The following SDK2 variants were observed in gnomAD, a reference collection of about 807,000 sequenced individuals.
SDK2 encodes sidekick cell adhesion molecule 2.
In SDK2, 105 loss-of-function variants were observed where a neutral mutation model predicts 253.9. The ratio of observed to expected loss-of-function variants is 0.41; its 90% CI spans 0.35 to 0.49. The LOEUF (loss-of-function observed/expected upper bound fraction) is 0.49, where lower values mean the gene tolerates loss of function less well. Ranked by LOEUF, SDK2 falls within the 20% of genes least tolerant of loss-of-function variation. The probability of loss-of-function intolerance (pLI) is 0.06; values close to 1 mark genes in which losing one functional copy is unlikely to be tolerated. For missense variants in SDK2, 2,608 were observed against 3,003.0 expected, an observed-to-expected ratio of 0.87 and a Z score of 3.07; for synonymous variants, 1,249 against 1,234.9, an observed-to-expected ratio of 1.01 and a Z score of -0.24.
chr17:73,376,272 AT>A, intron 36 of SDK2, among the ~76,000 whole-genome samples: 1 of 152,010 alleles, frequency 6.6e-6, no homozygotes, highest in East Asian at 1.9e-4. Context: ...ACCTGGCGGT[AT>A]TATTTATTTT....
At position 73,534,769 on chromosome 17, in the gene SDK2, T is replaced by G. The variant is rs2044744706; in HGVS notation, c.65-27172A>C. Among the ~76,000 whole-genome samples, 1 of 152,178 alleles carries G rather than the reference T, an allele frequency of 6.6e-6. No homozygotes were observed. Among genetic ancestry groups the G allele is most frequent in the African/African-American group, 2.4e-5 (1 of 41,450 alleles). The stretch of plus-strand genomic sequence containing the variant: ...GGCCCTGACCTTTCTTCCTCTCATC[T>G]AGGGGAAAGCGGCTTCTATTACCTA... On this transcript the variant is annotated intron_variant, in intron 1 of 44. Transcript: ENST00000392650. The surrounding 1 kb of genome is among the most constrained non-coding windows in gnomAD (Gnocchi z 4.9).
intron 4 of SDK2, among the ~76,000 whole-genome samples, chr17:73,450,591 C>T (rs2063483992): frequency 6.6e-6 from 1 of 152,198 alleles, no homozygotes; most frequent in South Asian, 2.1e-4. Context: ...TGTCTTAGGA[C>T]CCTTTTGGTC....
At chr17:73,632,250 T>A (rs2046280211) in intron 1 of SDK2, among the ~76,000 whole-genome samples, 1 of 152,188 alleles carries the variant, frequency 6.6e-6, no homozygotes, top group Admixed American at 6.5e-5. Context: ...AACATTTATG[T>A]CAGTGGATTG....
At chr17:73,441,488 G>A (rs1831160293) in intron 5 of SDK2, among the ~76,000 whole-genome samples, 1 of 152,176 alleles carries the variant, frequency 6.6e-6, no homozygotes, top group African/African-American at 2.4e-5. Context: ...CAATACGACT[G>A]GTGTCCTTGT....
chr17:73,343,961 C>G (rs1227701857), intron 44 of SDK2, among the ~76,000 whole-genome samples: 1 of 152,180 alleles, frequency 6.6e-6, no homozygotes, highest in Non-Finnish European at 1.5e-5. Flanking sequence ...GTCCCAGGGG[C>G]TCTGCACTGA....
rs1285891947 is a variant in SDK2, at chr17:73,483,661, GTATATATATATATATATATATTTATATA to G, written c.225-11471_225-11444del. On this transcript the variant is annotated intron_variant, in intron 2 of 44. Transcript: ENST00000392650. ...TATATATGTGTGTGTGTGTGTGTGT[GTATATATATATATATATATATTTATATA>G]TATATATATATATATATATTTTTTT... 3.0e-3 allele frequency among the ~76,000 whole-genome samples: 209 copies of G among 70,186 alleles called. 8 individuals carry two copies. Among genetic ancestry groups the G allele is most frequent in the Non-Finnish European group, 4.4e-3 (172 of 39,478 alleles). 46.0% of individuals were successfully genotyped at this position (70,186 alleles called of 152,430 possible). A position where few individuals can be genotyped will look rare whatever the true frequency, so the allele number is the denominator to read the frequency against.
intron 1 of SDK2, among the ~76,000 whole-genome samples, chr17:73,550,862 G>A (rs1380128034): frequency 3.3e-5 from 5 of 152,166 alleles, no homozygotes; most frequent in Non-Finnish European, 7.3e-5. Context: ...CCCAGGGCGA[G>A]TCACCCGTCC....
intron 1 of SDK2, among the ~76,000 whole-genome samples, chr17:73,544,428 G>A (rs925446604): frequency 2.6e-5 from 4 of 152,186 alleles, no homozygotes; most frequent in Admixed American, 6.5e-5. Flanking sequence ...TTGTGTCACC[G>A]TCAAAGTCTG....
At chr17:73,566,317 A>ATGTGTGTGTGTGTGTGTGTG (rs763921480) in intron 1 of SDK2, among the ~76,000 whole-genome samples, 43 of 143,996 alleles carry the variant, frequency 3.0e-4, no homozygotes, top group African/African-American at 6.4e-4. Context: ...TCTTATATAT[A>ATGTGTGTGTGTGTGTGTGTG]TATGTGTGTG....
At chr17:73,551,475 G>A (rs114161818) in intron 1 of SDK2, among the ~76,000 whole-genome samples, 1,547 of 152,316 alleles carry the variant, frequency 0.01, 30 homozygotes, top group African/African-American at 0.035. Context: ...CGGAGCGGCC[G>A]AGGCCTTCGG....
At chr17:73,544,792 G>A (rs533031826) in intron 1 of SDK2, among the ~76,000 whole-genome samples, 2 of 152,332 alleles carry the variant, frequency 1.3e-5, no homozygotes, top group East Asian at 1.9e-4. Context: ...AGGGGAACAA[G>A]GGAGCAGCAG....
chr17:73,366,394 C>T (rs1431397618), intron 37 of SDK2, among the ~76,000 whole-genome samples: 1 of 152,166 alleles, frequency 6.6e-6, no homozygotes, highest in Non-Finnish European at 1.5e-5. Flanking sequence ...TCATTCTGGC[C>T]ACCGTCAGAC....
intron 2 of SDK2, among the ~76,000 whole-genome samples, chr17:73,489,879 AAAC>A (rs1460351804): frequency 6.6e-6 from 1 of 152,372 alleles, no homozygotes; most frequent in Admixed American, 6.5e-5. Context: ...CAAAAAAGTG[AAAC>A]AACAAAAGCA....
intron 1 of SDK2, among the ~76,000 whole-genome samples, chr17:73,516,367 C>T (rs1225113537): frequency 4.6e-5 from 7 of 152,226 alleles, no homozygotes; most frequent in Middle Eastern, 3.2e-3. Flanking sequence ...GAAATGTCTG[C>T]ACGTCATACA....
intron 1 of SDK2, among the ~76,000 whole-genome samples, chr17:73,614,523 A>G (rs2046022306): frequency 7.0e-6 from 1 of 141,874 alleles, no homozygotes; most frequent in South Asian, 2.4e-4. Context: ...TTGGGTACAC[A>G]GCGACACAAA....
At chr17:73,437,710 G>T (rs745519970) in intron 8 of SDK2, 29 bp downstream of exon 8, 4 of 1,575,448 alleles carry the variant, frequency 2.5e-6, no homozygotes, top group Middle Eastern at 1.7e-4. Context: ...TGGGGTCTTT[G>T]TCCCCCTCCA....
chr17:73,386,828 AG>A (rs1353831167), intron 30 of SDK2, among the ~76,000 whole-genome samples: 1 of 152,222 alleles, frequency 6.6e-6, no homozygotes, highest in Non-Finnish European at 1.5e-5. Context: ...CATCCCGAGA[AG>A]GAAATGTCTG....
chr17:73,404,762 G>A (rs973908243), intron 18 of SDK2, among the ~76,000 whole-genome samples: 3 of 152,136 alleles, frequency 2.0e-5, no homozygotes, highest in Admixed American at 6.5e-5. Context: ...CTAAGTAGAC[G>A]GGGCTCCCCT....
intron 1 of SDK2, among the ~76,000 whole-genome samples, chr17:73,573,812 C>T (rs899174904): frequency 6.6e-6 from 1 of 152,274 alleles, no homozygotes; most frequent in Non-Finnish European, 1.5e-5. Context: ...AGAGTCCAGA[C>T]TGCAACCTGC....
Sources: allele counts gnomAD v4.1 joint callset (sites outside exome capture counted in the v4.1 genomes callset), GRCh38; gene constraint gnomAD v4.1.1; non-coding constraint Gnocchi (gnomAD v3.1); transcripts MANE v1.5; gene names NCBI Gene and HGNC (gene_info 2026-07-23, HGNC 2026-07-21).